Variants in TREML4 observed in about 807,000 individuals in gnomAD.
The protein encoded by TREML4 is triggering receptor expressed on myeloid cells like 4.
TREML4 carries 25 observed loss-of-function variants against 25.4 expected under a neutral mutation model. That is an observed-to-expected ratio of 0.98 (90% confidence interval 0.72 to 1.37). The LOEUF (loss-of-function observed/expected upper bound fraction) is 1.37. Among genes scored for constraint, TREML4 ranks in the 40% most tolerant of loss-of-function variants. TREML4 has a pLI of 0.00. For missense variants in TREML4, 268 were observed against 236.5 expected (o/e 1.13, Z -0.87); for synonymous variants, 92 against 87.9 (o/e 1.05, Z -0.26).
At position 41,238,700 on chromosome 6, in the gene TREML4, T is replaced by G. The variant is rs1227631128; in HGVS notation, c.*1681T>G. 3 of 152,190 alleles carry G rather than the reference T, an allele frequency of 2.0e-5. No individual in the cohort carries two copies. Among genetic ancestry groups the G allele is most frequent in the African/African-American group, 7.2e-5 (3 of 41,434 alleles). 9.4% of individuals were successfully genotyped at this position (152,190 alleles called of 1,614,324 possible). ...CCAAGAATCTAGACACTAGCGATTA[T>G]GTGTTTTCTCTGAGTCTATGTGAAG... On this transcript the variant is annotated 3_prime_UTR_variant, in exon 6 of 6. Coordinates refer to ENST00000341495, the MANE Select transcript of TREML4 (RefSeq NM_198153.3).
Position 41,236,567 on chromosome 6 carries a change from G to C in TREML4, c.588G>C (p.Lys196Asn), listed in dbSNP as rs750432426. The change falls in exon 5 of 6, where the codon AAG becomes AAC. Residue 196 changes from lysine (K) to asparagine (N), a missense_variant. Lys to Asn is a moderately conservative substitution (Grantham distance 94). Coordinates refer to ENST00000341495, the MANE Select transcript of TREML4 (RefSeq NM_198153.3). ...TGCTATGTGGACTCCTCCTGGCCAA[G>C]GGCCTGATGTTGTGAGTCCTGTTAG... ...VLVLCGLLLAKGLML is the reference protein window; with the variant it reads ...VLVLCGLLLANGLML The C allele has an allele frequency of 4.2e-5, 68 of 1,613,888 alleles. No individual in the cohort carries two copies. The highest frequency in any genetic ancestry group is 5.6e-5 in the Non-Finnish European group (66 of 1,179,890).
intron 4 of TREML4, 59 bp from the exon 5 acceptor site, chr6:41,236,427 C>T (rs1766902549): frequency 4.1e-6 from 6 of 1,477,448 alleles, no homozygotes; most frequent in South Asian, 1.1e-5. Context: ...TTAGGGACAC[C>T]GCAGGAGGTG....
At position 41,229,061 on chromosome 6, in the gene TREML4, A is replaced by G. The variant is rs1015885244; in HGVS notation, c.394+17A>G. The G allele has an allele frequency of 6.3e-7, 1 of 1,598,698 alleles. No homozygotes were observed. Among genetic ancestry groups the G allele is most frequent in the Non-Finnish European group, 8.5e-7 (1 of 1,169,986 alleles). On this transcript the variant is annotated intron_variant, in intron 2 of 5. Transcript: ENST00000341495. The stretch of plus-strand genomic sequence containing the variant: ...TGTCTCCAGGTGAGCTCTTTTCTTG[A>G]GGAAATACCTCTGTGCCACCCCCCA...
At chr6:41,233,894 C>T (rs1324808488) in intron 4 of TREML4, among the ~76,000 whole-genome samples, 1 of 150,956 alleles carries the variant, frequency 6.6e-6, no homozygotes, top group East Asian at 1.9e-4. Context: ...ATGTTCTAAA[C>T]TATATAAATA....
chr6:41,236,456 T>C (rs1406770563), intron 4 of TREML4, 30 bp from the exon 5 acceptor site: 1 of 1,603,530 alleles, frequency 6.2e-7, no homozygotes, highest in Admixed American at 1.7e-5. Flanking sequence ...CTGGCCCAAG[T>C]CCATCCTCCT....
At chr6:41,233,637 A>G (rs1269765856) in intron 4 of TREML4, among the ~76,000 whole-genome samples, 2 of 152,096 alleles carry the variant, frequency 1.3e-5, no homozygotes, top group Admixed American at 1.3e-4. Flanking sequence ...AGGAGAAATA[A>G]ATTATTAGCC....
At position 41,230,181 on chromosome 6, in the gene TREML4, T is replaced by C. The variant is rs949072669; in HGVS notation, c.506+59T>C. ...CTTGGGAAGGGAGGGCCTGATTAGC[T>C]CCTGAACCTTGGAATCAAGTCCAGG... On this transcript the variant is annotated intron_variant, in intron 4 of 5. Transcript: ENST00000341495. 2.1e-6 allele frequency: 3 copies of C among 1,407,336 alleles called. No homozygotes were observed. The African/African-American group carries it at 4.2e-5, about 20-fold the overall frequency. 87.2% of individuals were successfully genotyped at this position (1,407,336 alleles called of 1,614,324 possible). A position where few individuals can be genotyped will look rare whatever the true frequency, so the allele number is the denominator to read the frequency against.
At chr6:41,233,874 A>G (rs1766847740) in intron 4 of TREML4, among the ~76,000 whole-genome samples, 1 of 151,290 alleles carries the variant, frequency 6.6e-6, no homozygotes. Context: ...ATGTAGTTAC[A>G]GATTGAAAAA....
In TREML4 at chr6:41,228,412, A is replaced by G. The variant is rs755298330; in HGVS notation, c.-16A>G. ...TTTCTCCTCTCCTCCGCTGTCAGAAACAGATCTGGGCTGGAATGGCCTGGG... is the reference window on the plus strand; with the variant it reads ...TTTCTCCTCTCCTCCGCTGTCAGAAGCAGATCTGGGCTGGAATGGCCTGGG... On this transcript the variant is annotated 5_prime_UTR_variant, in exon 1 of 6. Coordinates refer to ENST00000341495, the MANE Select transcript of TREML4 (RefSeq NM_198153.3). 1.9e-5 allele frequency: 30 copies of G among 1,603,038 alleles called. No individual in the cohort carries two copies. The South Asian group carries it at 2.2e-4, about 12-fold the overall frequency.
At chr6:41,230,245 TTA>T in intron 4 of TREML4, 123 bp downstream of exon 4, 1 of 803,796 alleles carries the variant, frequency 1.2e-6, no homozygotes, top group African/African-American at 1.7e-5. Context: ...GGGGCATAGG[TTA>T]CAGCCGTGGA....
In TREML4 at chr6:41,230,071, C is replaced by A; in HGVS notation, c.455C>A (p.Thr152Asn). Reference protein sequence around the residue: ...PWLPTSTVLITSPEGTSGHPS... With the variant: ...PWLPTSTVLINSPEGTSGHPS... ...TTTGTGTCCTCTTTAGTTCTGATCACTTCTCCAGAGGGGACCTCTGGCCAT... is the reference window on the plus strand; with the variant it reads ...TTTGTGTCCTCTTTAGTTCTGATCAATTCTCCAGAGGGGACCTCTGGCCAT... Residue 152 changes from threonine (T) to asparagine (N), a missense_variant, in exon 4 of 6, where the codon ACT (threonine) becomes AAT (asparagine). Transcript: ENST00000341495. The A allele has an allele frequency of 6.2e-7, 1 of 1,611,388 alleles. No homozygotes were observed. The highest frequency in any genetic ancestry group is 8.5e-7 in the Non-Finnish European group (1 of 1,177,498).
At chr6:41,229,628 C>T in intron 3 of TREML4, 57 bp downstream of exon 3, 1 of 1,585,144 alleles carries the variant, frequency 6.3e-7, no homozygotes. Flanking sequence ...AGCTTGGGAG[C>T]CTCAGATTCA....
intron 4 of TREML4, among the ~76,000 whole-genome samples, chr6:41,234,508 T>A (rs1231981020): frequency 2.1e-5 from 2 of 94,080 alleles, no homozygotes; most frequent in Non-Finnish European, 4.5e-5. Context: ...CATGTTCTTG[T>A]CAAGACAAAA....
chr6:41,235,160 A>C (rs1391891784), intron 4 of TREML4, among the ~76,000 whole-genome samples: 4 of 152,102 alleles, frequency 2.6e-5, no homozygotes, highest in African/African-American at 9.7e-5. Flanking sequence ...CCTTGAGCAC[A>C]TTTATGTTAT....
intron 1 of TREML4, 103 bp downstream of exon 1, chr6:41,228,593 C>G (rs1766723208): frequency 2.0e-6 from 3 of 1,488,608 alleles, no homozygotes; most frequent in Non-Finnish European, 2.7e-6. Flanking sequence ...AATTTAGGGG[C>G]CCTCTTCCAT....
At chr6:41,230,999 ATG>A (rs1211541060) in intron 4 of TREML4, 1 of 270,482 alleles carries the variant, frequency 3.7e-6, no homozygotes, top group East Asian at 8.8e-5. Flanking sequence ...TGAACTGTGC[ATG>A]CGAGGGTTCT....
chr6:41,230,617 G>T (rs1766778557), intron 4 of TREML4, among the ~76,000 whole-genome samples: 1 of 152,192 alleles, frequency 6.6e-6, no homozygotes, highest in Admixed American at 6.5e-5. Flanking sequence ...GGGGACCATG[G>T]AGCACAGCAA....
rs1561901175 is a variant in TREML4 at position 41,229,583 on chromosome 6, G to A, written c.445+12G>A. ...CCCAACAAGCACAGGTAGGTTGGAGGCCTCGGTGGGGGAAGATTAGAAGGG... is the reference window on the plus strand; with the variant it reads ...CCCAACAAGCACAGGTAGGTTGGAGACCTCGGTGGGGGAAGATTAGAAGGG... On this transcript the variant is annotated intron_variant, in intron 3 of 5. Transcript: ENST00000341495. The A allele has an allele frequency of 5.6e-6, 9 of 1,613,708 alleles. No homozygotes were observed. The highest frequency in any genetic ancestry group is 6.8e-6 in the Non-Finnish European group (8 of 1,179,808).
chr6:41,229,041 C>T lies in TREML4; in HGVS notation c.391C>T (p.Pro131Ser). Residue 131 changes from proline to serine, a missense_variant, in exon 2 of 6, where the codon CCA becomes TCA. By Grantham distance (74) the Pro-to-Ser change is moderately conservative (BLOSUM62 -1). Coordinates refer to ENST00000341495, the MANE Select transcript of TREML4 (RefSeq NM_198153.3). ...TAGAAATATCAGCCTGGTGGTGTCT[C>T]CAGGTGAGCTCTTTTCTTGAGGAAA... Reference protein sequence around the residue: ...VLRNISLVVSPAPTTSPMWTL... With the variant: ...VLRNISLVVSSAPTTSPMWTL... 6.2e-7 allele frequency: 1 copy of T among 1,610,258 alleles called. No homozygotes were observed. The highest frequency in any genetic ancestry group is 8.5e-7 in the Non-Finnish European group (1 of 1,177,492).
Sources: allele counts gnomAD v4.1 joint callset (sites outside exome capture counted in the v4.1 genomes callset), GRCh38; gene constraint gnomAD v4.1.1; transcripts MANE v1.5; gene names NCBI Gene and HGNC (gene_info 2026-07-23, HGNC 2026-07-21).